Variants in RPH3A observed in about 807,000 individuals in gnomAD.
The protein encoded by RPH3A is rabphilin-3A.
Under a neutral mutation model 102.2 loss-of-function variants are expected in RPH3A, and 48 were observed. The ratio of observed to expected loss-of-function variants is 0.47; its 90% CI spans 0.37 to 0.60. The LOEUF is 0.60. Ranked by LOEUF, RPH3A falls within the 20% of genes least tolerant of loss-of-function variation. The pLI, the probability that RPH3A is intolerant of heterozygous loss-of-function variation, is 0.00. For missense variants in RPH3A, 781 were observed against 910.1 expected (o/e 0.86, Z 1.83); for synonymous variants, 310 against 324.3 (o/e 0.96, Z 0.47).
chr12:112,587,582 G>A (rs968510074), intron 1 of RPH3A, among the ~76,000 whole-genome samples: 1 of 152,028 alleles, frequency 6.6e-6, no homozygotes, highest in Admixed American at 6.6e-5. Flanking sequence ...TGTGTGGTTG[G>A]CTCTCTTATT....
At chr12:112,862,983 G>A (rs1337414100) in intron 5 of RPH3A, among the ~76,000 whole-genome samples, 1 of 152,154 alleles carries the variant, frequency 6.6e-6, no homozygotes, top group Non-Finnish European at 1.5e-5. Context: ...GGGTGGGTGG[G>A]GTCCAGCTCT....
At chr12:112,736,813 G>A (rs1231066582) in intron 1 of RPH3A, among the ~76,000 whole-genome samples, 1 of 152,132 alleles carries the variant, frequency 6.6e-6, no homozygotes, top group East Asian at 1.9e-4. Flanking sequence ...GACATAGTGG[G>A]GGAATCTCTC....
intron 21 of RPH3A, among the ~76,000 whole-genome samples, chr12:112,896,177 T>C (rs898757443): frequency 6.6e-6 from 1 of 152,268 alleles, no homozygotes; most frequent in African/African-American, 2.4e-5. Flanking sequence ...TATTTGCATG[T>C]CCAGGATAAA....
At chr12:112,644,567 G>C (rs1039471967) in intron 1 of RPH3A, among the ~76,000 whole-genome samples, 3 of 152,206 alleles carry the variant, frequency 2.0e-5, no homozygotes, top group Non-Finnish European at 2.9e-5. Context: ...GTACCTAGAA[G>C]ATATGGTACA....
chr12:112,836,731 A>G (rs1024348490), intron 4 of RPH3A, among the ~76,000 whole-genome samples: 3 of 152,200 alleles, frequency 2.0e-5, no homozygotes, highest in African/African-American at 4.8e-5. Context: ...AGGATGGAAG[A>G]TATTTCTTAG....
chr12:112,876,634 C>G lies in RPH3A; in HGVS notation c.947-8C>G, dbSNP rs749975833. ...AGCTGCATGTTTCCTGTCCTTATCT[C>G]CCTGCAGAGGTGGCTCCGAGCGACC... On this transcript the variant is annotated splice_region_variant and splice_polypyrimidine_tract_variant and intron_variant, in intron 12 of 21. Coordinates refer to ENST00000389385, the MANE Select transcript of RPH3A (RefSeq NM_001143854.2). The G allele has an allele frequency of 1.0e-5, 16 of 1,589,218 alleles. No homozygotes were observed. The highest frequency in any genetic ancestry group is 1.4e-5 in the Non-Finnish European group (16 of 1,166,808).
intron 1 of RPH3A, among the ~76,000 whole-genome samples, chr12:112,735,905 G>A (rs894835746): frequency 2.6e-5 from 4 of 152,122 alleles, no homozygotes; most frequent in African/African-American, 4.8e-5. Context: ...CATGCTACAC[G>A]ATTCCCATTT....
intron 5 of RPH3A, among the ~76,000 whole-genome samples, chr12:112,864,126 G>A (rs1479923580): frequency 6.6e-6 from 1 of 152,200 alleles, no homozygotes; most frequent in Non-Finnish European, 1.5e-5. Flanking sequence ...GTAGTCAGAG[G>A]AGGCTCTCAA....
At chr12:112,885,504 T>C (rs191090395) in intron 16 of RPH3A, among the ~76,000 whole-genome samples, 2 of 152,362 alleles carry the variant, frequency 1.3e-5, no homozygotes, top group African/African-American at 4.8e-5. Context: ...TCTTAAGCAG[T>C]TCCTCCATTG....
At chr12:112,744,878 C>A (rs181434355) in intron 1 of RPH3A, among the ~76,000 whole-genome samples, 6 of 152,186 alleles carry the variant, frequency 3.9e-5, no homozygotes, top group Middle Eastern at 3.4e-3. Context: ...ATGTGTATCC[C>A]AGGAAAAAAG....
chr12:112,813,946 T>TTGTGTG (rs112069714), intron 2 of RPH3A, among the ~76,000 whole-genome samples: 1 of 148,684 alleles, frequency 6.7e-6, no homozygotes, highest in East Asian at 2.0e-4. Context: ...GTTTGTATGA[T>TTGTGTG]TGTGTGTGTG....
intron 1 of RPH3A, among the ~76,000 whole-genome samples, chr12:112,771,678 AAG>A (rs1323761830): frequency 6.6e-6 from 1 of 152,218 alleles, no homozygotes; most frequent in African/African-American, 2.4e-5. Context: ...CACTCTCACT[AAG>A]AGTATCCAAG....
At chr12:112,733,133 A>G (rs1210469526) in intron 1 of RPH3A, among the ~76,000 whole-genome samples, 1 of 152,150 alleles carries the variant, frequency 6.6e-6, no homozygotes, top group Non-Finnish European at 1.5e-5. Flanking sequence ...AGTTTCAAGC[A>G]TGAGCCTGTG....
intron 1 of RPH3A, among the ~76,000 whole-genome samples, chr12:112,712,883 T>C (rs1225034335): frequency 1.5e-5 from 2 of 130,758 alleles, no homozygotes; most frequent in African/African-American, 3.6e-5. Flanking sequence ...CTTTTTTTTC[T>C]TCTTCTTCTT....
intron 1 of RPH3A, among the ~76,000 whole-genome samples, chr12:112,621,534 C>G (rs2039724872): frequency 6.8e-6 from 1 of 147,154 alleles, no homozygotes; most frequent in Admixed American, 6.7e-5. Flanking sequence ...AGACTATATC[C>G]CACACCTGGC....
At chr12:112,814,069 T>A (rs1291583463) in intron 2 of RPH3A, among the ~76,000 whole-genome samples, 2 of 151,094 alleles carry the variant, frequency 1.3e-5, no homozygotes, top group Non-Finnish European at 3.0e-5. Flanking sequence ...ATGGGGTATA[T>A]TTATGTGGGA....
chr12:112,807,193 T>C (rs2041486093), intron 2 of RPH3A, among the ~76,000 whole-genome samples: 1 of 152,128 alleles, frequency 6.6e-6, no homozygotes, highest in Admixed American at 6.5e-5. Flanking sequence ...ATGTGATCCA[T>C]ATTTTGAAAA....
At chr12:112,825,377 G>A (rs1419524736) in intron 2 of RPH3A, among the ~76,000 whole-genome samples, 2 of 152,156 alleles carry the variant, frequency 1.3e-5, no homozygotes, top group Non-Finnish European at 2.9e-5. Context: ...AAGGATACAG[G>A]ACAGGAGAGG....
chr12:112,870,357 C>T (rs181405550), intron 10 of RPH3A, among the ~76,000 whole-genome samples: 123 of 149,578 alleles, frequency 8.2e-4, no homozygotes, highest in African/African-American at 2.9e-3. Context: ...CCCTAGGCTT[C>T]GAACAAAGTA....
Sources: allele counts gnomAD v4.1 joint callset (sites outside exome capture counted in the v4.1 genomes callset), GRCh38; gene constraint gnomAD v4.1.1; transcripts MANE v1.5; gene names NCBI Gene and HGNC (gene_info 2026-07-23, HGNC 2026-07-21).